The following ARHGAP17 variants were observed in gnomAD, a reference collection of about 807,000 sequenced individuals.
The protein encoded by ARHGAP17 is rho GTPase-activating protein 17.
ARHGAP17 carries 57 observed loss-of-function variants against 99.5 expected under a neutral mutation model. The ratio of observed to expected loss-of-function variants is 0.57; its 90% CI spans 0.46 to 0.71. The LOEUF is 0.71. ARHGAP17 is among the 30% of genes least tolerant of loss of function. The probability of loss-of-function intolerance (pLI) is 0.00; values close to 1 mark genes in which losing one functional copy is unlikely to be tolerated. For missense variants in ARHGAP17, 1,000 were observed against 1,122.4 expected (o/e 0.89, Z 1.56); for synonymous variants, 417 against 429.6 (o/e 0.97, Z 0.36).
chr16:24,999,921 A>G lies in ARHGAP17; in HGVS notation c.53+15288T>C, dbSNP rs143576652. ...TTCCCCAGTGCTGACCTGCTGTGTC[A>G]CACTGTATGTCCTCACTGTCTCATG... On this transcript the variant is annotated intron_variant, in intron 1 of 19. Transcript: ENST00000289968. Among the ~76,000 whole-genome samples, 1,238 of 152,308 alleles carry G rather than the reference A, an allele frequency of 8.1e-3. 11 individuals are homozygous for G. The highest frequency in any genetic ancestry group is 0.014 in the Non-Finnish European group (929 of 68,030).
At chr16:24,990,949 T>C (rs1280577461) in intron 1 of ARHGAP17, among the ~76,000 whole-genome samples, 3 of 152,076 alleles carry the variant, frequency 2.0e-5, no homozygotes, top group Admixed American at 1.3e-4. Context: ...GGTCCCTGTG[T>C]CCTAGGCCAT....
At chr16:24,960,038 C>T (rs1037634583) in intron 7 of ARHGAP17, 59 bp from the exon 8 acceptor site, 54 of 1,522,652 alleles carry the variant, frequency 3.5e-5, no homozygotes, top group Non-Finnish European at 4.5e-5. Context: ...AAAATGGCAT[C>T]TGAGAACAAT....
chr16:24,959,987 A>G lies in ARHGAP17; in HGVS notation c.574-8T>C, dbSNP rs1462570797. 1 of 1,613,680 alleles carries G rather than the reference A, an allele frequency of 6.2e-7. No homozygotes were observed. The highest frequency in any genetic ancestry group is 8.5e-7 in the Non-Finnish European group (1 of 1,179,862). On this transcript the variant is annotated splice_region_variant and splice_polypyrimidine_tract_variant and intron_variant, in intron 7 of 19. Transcript: ENST00000289968. Reference sequence around the variant, plus strand: ...GTCTGCTGCAAGTTGATCCTGGGTAAATGGAAGATAAGAGGTTATTGAAGA... The same window carrying G: ...GTCTGCTGCAAGTTGATCCTGGGTAGATGGAAGATAAGAGGTTATTGAAGA...
Position 24,954,672 on chromosome 16 carries a change from G to A in ARHGAP17, c.783C>T (p.Ser261=), listed in dbSNP as rs751871619. 4.2e-5 allele frequency: 67 copies of A among 1,613,862 alleles called. No homozygotes were observed. Among genetic ancestry groups the A allele is most frequent in the South Asian group, 5.5e-5 (5 of 91,058 alleles). The change falls in exon 10 of 20, where the codon AGC becomes AGT. Residue 261 remains serine, a synonymous_variant. Transcript: ENST00000289968. ...GTPLEEHLKR[S]GREIALPIEA... Reference sequence around the variant, plus strand: ...CAATGGGCAGCGCAATCTCGCGCCCGCTCCTCTTCAGGTGTTCTTCTAGGG... The same window carrying A: ...CAATGGGCAGCGCAATCTCGCGCCCACTCCTCTTCAGGTGTTCTTCTAGGG...
At chr16:25,002,801 G>A (rs1480869167) in intron 1 of ARHGAP17, among the ~76,000 whole-genome samples, 1 of 152,174 alleles carries the variant, frequency 6.6e-6, no homozygotes, top group African/African-American at 2.4e-5. Context: ...CACTCTGGGA[G>A]GCCAAGGCAG....
At chr16:24,988,306 G>C (rs1458799398) in intron 1 of ARHGAP17, among the ~76,000 whole-genome samples, 1 of 152,188 alleles carries the variant, frequency 6.6e-6, no homozygotes, top group Non-Finnish European at 1.5e-5. Flanking sequence ...AAAGCCGTAA[G>C]AGAGTTTACA....
chr16:25,012,117 T>C (rs1473146846), intron 1 of ARHGAP17, among the ~76,000 whole-genome samples: 1 of 152,198 alleles, frequency 6.6e-6, no homozygotes, highest in Non-Finnish European at 1.5e-5. Context: ...CAGGACACAG[T>C]GTAGGCTCAA....
chr16:24,982,965 C>T (rs1228188821), intron 1 of ARHGAP17, among the ~76,000 whole-genome samples: 1 of 32,762 alleles, frequency 3.1e-5, no homozygotes, highest in Non-Finnish European at 5.5e-5. Flanking sequence ...CTTGATAAAT[C>T]ATATATATAT....
intron 11 of ARHGAP17, 87 bp downstream of exon 11, chr16:24,952,844 T>C: frequency 7.9e-7 from 1 of 1,269,820 alleles, no homozygotes; most frequent in Non-Finnish European, 1.1e-6. Context: ...GTAACTGAAA[T>C]TGGATTTTAA....
At chr16:24,963,861 C>CT (rs1267667600) in intron 7 of ARHGAP17, among the ~76,000 whole-genome samples, 1 of 152,072 alleles carries the variant, frequency 6.6e-6, no homozygotes, top group Non-Finnish European at 1.5e-5. Context: ...TACAGTTTTA[C>CT]TTCTTTTTTC....
intron 13 of ARHGAP17, among the ~76,000 whole-genome samples, chr16:24,948,330 C>T (rs534054644): frequency 2.8e-4 from 43 of 152,228 alleles, no homozygotes; most frequent in African/African-American, 8.9e-4. Context: ...TATCTGCTTA[C>T]GTCTACATTA....
rs1597377207 is a variant in ARHGAP17 at position 24,939,718 on chromosome 16, G to A, written c.1491-121C>T. On this transcript the variant is annotated intron_variant, in intron 16 of 19. Transcript: ENST00000289968. Reference sequence around the variant, plus strand: ...AGCCACCCAAGCTGCCCGGCATGCAGTGAAGCGGCAAGGACCAGACTAATG... The same window carrying A: ...AGCCACCCAAGCTGCCCGGCATGCAATGAAGCGGCAAGGACCAGACTAATG... The A allele has an allele frequency of 4.6e-6, 5 of 1,093,740 alleles. No homozygotes were observed. The East Asian group carries it at 1.3e-4, about 28-fold the overall frequency. 67.8% of individuals were successfully genotyped at this position (1,093,740 alleles called of 1,614,324 possible).
At chr16:24,951,914 C>T (rs905483308) in intron 12 of ARHGAP17, among the ~76,000 whole-genome samples, 4 of 152,290 alleles carry the variant, frequency 2.6e-5, no homozygotes, top group South Asian at 2.1e-4. Flanking sequence ...ACTGTATTAT[C>T]GCACAGGTGA....
At chr16:25,004,958 A>C (rs1217530768) in intron 1 of ARHGAP17, among the ~76,000 whole-genome samples, 1 of 152,254 alleles carries the variant, frequency 6.6e-6, no homozygotes. Flanking sequence ...TCTGTTGCCC[A>C]GGCTGGAGTG....
chr16:24,981,952 C>CT (rs1447588449), intron 1 of ARHGAP17, among the ~76,000 whole-genome samples: 2 of 152,056 alleles, frequency 1.3e-5, no homozygotes, highest in Non-Finnish European at 2.9e-5. Context: ...ATGAAAAGGT[C>CT]TGGAGGCTGA....
chr16:25,007,313 A>G (rs2053533289), intron 1 of ARHGAP17, among the ~76,000 whole-genome samples: 1 of 152,248 alleles, frequency 6.6e-6, no homozygotes, highest in South Asian at 2.1e-4. Context: ...GAATAACAAT[A>G]AAGCAAATGC....
rs1232486734 is a variant in ARHGAP17, at chr16:24,992,481, G to A, written c.54-13476C>T. ...CTCCCGAGTAGCTGGGACTACAGGC[G>A]CACGCCACCATGACCGGCTAATTTT... On this transcript the variant is annotated intron_variant, in intron 1 of 19. Transcript: ENST00000289968. Among the ~76,000 whole-genome samples the A allele has an allele frequency of 3.3e-5, 5 of 151,908 alleles. No homozygotes were observed. The East Asian group carries it at 9.7e-4, about 30-fold the overall frequency.
intron 1 of ARHGAP17, among the ~76,000 whole-genome samples, chr16:25,008,852 C>G (rs1188124621): frequency 6.6e-6 from 1 of 152,104 alleles, no homozygotes; most frequent in East Asian, 1.9e-4. Flanking sequence ...TTCTTCCCCC[C>G]AGTAAAGAAT....
chr16:24,961,972 G>T (rs191763693), intron 7 of ARHGAP17, among the ~76,000 whole-genome samples: 13,090 of 136,184 alleles, frequency 0.096, 789 homozygotes, highest in Middle Eastern at 0.17. Context: ...GAGAGAGTTT[G>T]TTTTTTTTTT....
Sources: allele counts gnomAD v4.1 joint callset (sites outside exome capture counted in the v4.1 genomes callset), GRCh38; gene constraint gnomAD v4.1.1; transcripts MANE v1.5; gene names NCBI Gene and HGNC (gene_info 2026-07-23, HGNC 2026-07-21).